TRPM6: variants seen among roughly 807,000 people sequenced by gnomAD.
TRPM6 encodes the protein transient receptor potential cation channel subfamily M member 6.
In TRPM6, 111 loss-of-function variants were observed where a neutral mutation model predicts 247.6. That is an observed-to-expected ratio of 0.45 (90% CI 0.38 to 0.52). TRPM6 has a LOEUF of 0.52. TRPM6 is among the 20% of genes least tolerant of loss of function. The pLI is 0.00. For missense variants in TRPM6, 2,126 were observed against 2,421.5 expected, an observed-to-expected ratio of 0.88 and a Z score of 2.56; for synonymous variants, 892 against 853.8, an observed-to-expected ratio of 1.04 and a Z score of -0.78.
intron 31 of TRPM6, among the ~76,000 whole-genome samples, chr9:74,746,829 G>A (rs1250916956): frequency 6.6e-6 from 1 of 151,996 alleles, no homozygotes; most frequent in Non-Finnish European, 1.5e-5. Context: ...CTGAAGATGA[G>A]GGGGTGGGGA....
intron 6 of TRPM6, among the ~76,000 whole-genome samples, chr9:74,828,631 CTT>C (rs71497362): frequency 1.4e-4 from 19 of 138,554 alleles, no homozygotes; most frequent in Admixed American, 2.2e-4. Flanking sequence ...TCCTTTCTTT[CTT>C]TTTTTTTTTT....
At chr9:74,828,068 T>G in intron 6 of TRPM6, 119 bp from the exon 7 acceptor site, 1 of 1,107,378 alleles carries the variant, frequency 9.0e-7, no homozygotes, top group Non-Finnish European at 1.3e-6. Flanking sequence ...AAAGTACTAC[T>G]TGCGGCCAGG....
chr9:74,792,875 G>A, intron 18 of TRPM6, 105 bp from the exon 19 acceptor site: 1 of 1,162,360 alleles, frequency 8.6e-7, no homozygotes, highest in Non-Finnish European at 1.2e-6. Context: ...GAAATTAGTT[G>A]GCTGGGGGCG....
intron 19 of TRPM6, among the ~76,000 whole-genome samples, chr9:74,791,707 A>T (rs1827903506): frequency 1.3e-5 from 2 of 152,158 alleles, no homozygotes; most frequent in African/African-American, 4.8e-5. Context: ...CACTTGCATC[A>T]TTTTCTACCT....
chr9:74,744,817 T>C (rs540899438), intron 31 of TRPM6, among the ~76,000 whole-genome samples: 50 of 152,358 alleles, frequency 3.3e-4, no homozygotes, highest in African/African-American at 1.0e-3. Flanking sequence ...GGTCTCATGA[T>C]GGCAACTGTT....
In TRPM6 at chr9:74,762,175, A is replaced by G. The variant is rs1222478884; in HGVS notation, c.4496T>C (p.Leu1499Pro). The G allele has an allele frequency of 1.9e-6, 3 of 1,614,086 alleles. No individual in the cohort carries two copies. The African/African-American group carries it at 4.0e-5, about 22-fold the overall frequency. ...QHQKQAQDSS[L>P]SDNSTRSAQS... ...GGCCGATCTTGTTGAGTTATCAGAT[A>G]GGGAGCTGTCCTGGGCCTGCTTCTG... Residue 1499 changes from leucine (L) to proline (P), a missense_variant, in exon 26 of 39, where the codon CTA becomes CCA. Physicochemically the swap from Leu to Pro is moderately conservative, Grantham distance 98. This residue lies in a region of TRPM6 where 717 missense variants were observed against 715.9 expected (regional missense o/e 1.00). Transcript: ENST00000360774.
chr9:74,872,936 AAAAT>A (rs1348066644), intron 1 of TRPM6, among the ~76,000 whole-genome samples: 1 of 152,204 alleles, frequency 6.6e-6, no homozygotes, highest in Non-Finnish European at 1.5e-5. Flanking sequence ...ATAATCTTTT[AAAAT>A]AAATAAAGTG....
At chr9:74,838,769 G>A (rs1194717567) in intron 5 of TRPM6, among the ~76,000 whole-genome samples, 1 of 151,906 alleles carries the variant, frequency 6.6e-6, no homozygotes, top group African/African-American at 2.4e-5. Context: ...GAGACACTGG[G>A]CAGGGCATGC....
intron 3 of TRPM6, among the ~76,000 whole-genome samples, chr9:74,847,674 T>C (rs1830155123): frequency 1.4e-5 from 2 of 140,850 alleles, no homozygotes; most frequent in African/African-American, 5.0e-5. Flanking sequence ...TATATAGTCA[T>C]ATATAGTCAA....
intron 5 of TRPM6, among the ~76,000 whole-genome samples, chr9:74,838,866 T>A (rs1300377751): frequency 1.3e-5 from 2 of 151,934 alleles, no homozygotes; most frequent in African/African-American, 4.8e-5. Context: ...TCCCAGCACT[T>A]TGGGAGGCCA....
chr9:74,845,000 C>T (rs1042403920), intron 3 of TRPM6, among the ~76,000 whole-genome samples: 1 of 152,158 alleles, frequency 6.6e-6, no homozygotes, highest in African/African-American at 2.4e-5. Context: ...ATAGTCAGAA[C>T]ATATATAACA....
chr9:74,799,830 A>T (rs537166051), intron 17 of TRPM6: 2 of 213,188 alleles, frequency 9.4e-6, no homozygotes, highest in Non-Finnish European at 1.9e-5. Context: ...GGGAGATAAA[A>T]GTCGTCTTCA....
At chr9:74,739,648 T>G in intron 34 of TRPM6, 75 bp downstream of exon 34, 1 of 1,585,608 alleles carries the variant, frequency 6.3e-7, no homozygotes, top group Non-Finnish European at 8.6e-7. Flanking sequence ...ATAATGGCCT[T>G]AGATAAGGAT....
intron 34 of TRPM6, 107 bp downstream of exon 34, chr9:74,739,616 T>G: frequency 6.5e-7 from 1 of 1,549,352 alleles, no homozygotes. Flanking sequence ...TAAAAAATAA[T>G]AGGCTCCCCT....
chr9:74,788,620 G>C lies in TRPM6; in HGVS notation c.2661C>G (p.Val887=). The part of the protein sequence containing the change: ...IYIFTNAIEV[V]REICISEPGK... ...GGTAGATGGCATAACTCACCTCCCTGACCACCTCAATAGCATTGGTGAAGA... is the reference window on the plus strand; with the variant it reads ...GGTAGATGGCATAACTCACCTCCCTCACCACCTCAATAGCATTGGTGAAGA... The change falls in exon 20 of 39, where the codon GTC becomes GTG. Residue 887 remains valine, a synonymous_variant. Transcript: ENST00000360774. 6.2e-7 allele frequency: 1 copy of C among 1,613,814 alleles called. No homozygotes were observed. The highest frequency in any genetic ancestry group is 8.5e-7 in the Non-Finnish European group (1 of 1,179,868).
At position 74,723,302 on chromosome 9, in the gene TRPM6, T is replaced by C. The variant is rs765315092; in HGVS notation, c.*1311A>G. 1 of 152,090 alleles carries C rather than the reference T, an allele frequency of 6.6e-6. No individual in the cohort carries two copies. Among genetic ancestry groups the C allele is most frequent in the Non-Finnish European group, 1.5e-5 (1 of 68,002 alleles). 9.4% of individuals were successfully genotyped at this position (152,090 alleles called of 1,614,324 possible). The stretch of plus-strand genomic sequence containing the variant: ...AGGAAGCAAACACCTGTGAAACATG[T>C]TTTCAGTCTGAAACCGTATCTTTCT... On this transcript the variant is annotated 3_prime_UTR_variant, in exon 39 of 39. Transcript: ENST00000360774.
At chr9:74,859,166 G>C (rs576988849) in intron 1 of TRPM6, among the ~76,000 whole-genome samples, 1 of 152,180 alleles carries the variant, frequency 6.6e-6, no homozygotes, top group African/African-American at 2.4e-5. Flanking sequence ...GATTTCACAG[G>C]AAGCTGGAAA....
chr9:74,831,281 T>C (rs1208504415), intron 6 of TRPM6, among the ~76,000 whole-genome samples: 3 of 152,004 alleles, frequency 2.0e-5, no homozygotes, highest in Admixed American at 2.0e-4. Context: ...CACAAGGTCA[T>C]GAATTCGAGA....
chr9:74,807,967 C>T, intron 14 of TRPM6, 67 bp downstream of exon 14: 1 of 1,588,578 alleles, frequency 6.3e-7, no homozygotes, highest in Non-Finnish European at 8.6e-7. Context: ...ACTTCCAAGG[C>T]CATTTTTCCA....
Sources: gnomAD v4.1 joint callset for allele counts (sites outside exome capture counted in the v4.1 genomes callset) on GRCh38, gnomAD v4.1.1 for gene constraint, gnomAD v4.1.1 regional missense constraint, MANE v1.5 for transcripts, NCBI Gene and HGNC (gene_info 2026-07-23, HGNC 2026-07-21) for gene names.